Variants in CAT observed in about 807,000 individuals in gnomAD.
CAT encodes catalase.
A neutral mutation model predicts 59.0 loss-of-function variants in CAT; 43 were observed. The ratio of observed to expected loss-of-function variants is 0.73; its 90% confidence interval spans 0.57 to 0.94. CAT has a LOEUF of 0.94. Ranked by LOEUF, CAT falls within the 40% of genes least tolerant of loss-of-function variation. The pLI, the probability that CAT is intolerant of heterozygous loss-of-function variation, is 0.00. For missense variants in CAT, 664 were observed against 682.9 expected (o/e 0.97, Z 0.31); for synonymous variants, 218 against 230.9 (o/e 0.94, Z 0.51).
chr11:34,458,196 G>T (rs978493891), intron 8 of CAT, among the ~76,000 whole-genome samples: 1 of 152,250 alleles, frequency 6.6e-6, no homozygotes, highest in African/African-American at 2.4e-5. Flanking sequence ...GTAAAATGCG[G>T]CAGGAGAAGG....
rs1856742612 is a variant in CAT at position 34,468,385 on chromosome 11, A to G, written c.1424A>G (p.Gln475Arg). Residue 475 changes from glutamine (Q) to arginine (R), a missense_variant, in exon 11 of 13, where the codon CAG becomes CGG. Coordinates refer to ENST00000241052, the MANE Select transcript of CAT (RefSeq NM_001752.4). ...CTGAAGGATGCACAAATTTTCATCC[A>G]GAAGAAAGCGGTGAGTCTTTGTAAG... ...GHLKDAQIFI[Q>R]KKAVKNFTEV... 1 of 1,613,152 alleles carries G rather than the reference A, an allele frequency of 6.2e-7. No homozygotes were observed. The highest frequency in any genetic ancestry group is 1.3e-5 in the African/African-American group (1 of 74,922).
intron 1 of CAT, among the ~76,000 whole-genome samples, chr11:34,445,666 GCA>G (rs1856444774): frequency 6.6e-6 from 1 of 152,016 alleles, no homozygotes; most frequent in Admixed American, 6.6e-5. Context: ...ATGGGAGCTA[GCA>G]GCCAGGAAGA....
At chr11:34,464,080 G>T (rs1856684099) in intron 9 of CAT, 25 bp from the exon 10 acceptor site, 1 of 1,613,792 alleles carries the variant, frequency 6.2e-7, no homozygotes, top group Middle Eastern at 1.6e-4. Context: ...ATTCCTAAGT[G>T]CATCTGGGTG....
At chr11:34,452,991 T>G (rs945502266) in intron 4 of CAT, 99 bp from the exon 5 acceptor site, 3 of 776,382 alleles carry the variant, frequency 3.9e-6, no homozygotes, top group Non-Finnish European at 6.9e-6. Context: ...GTATTTAGAA[T>G]TATAATCCAT....
At chr11:34,457,437 C>T (rs1000889933) in intron 8 of CAT, among the ~76,000 whole-genome samples, 3 of 152,016 alleles carry the variant, frequency 2.0e-5, no homozygotes, top group East Asian at 1.9e-4. Context: ...AAACTCCTGA[C>T]CTCAAGTGAT....
intron 2 of CAT, among the ~76,000 whole-genome samples, chr11:34,450,492 C>T (rs1280825084): frequency 6.6e-6 from 1 of 152,186 alleles, no homozygotes; most frequent in Non-Finnish European, 1.5e-5. Context: ...AGGACTTCTG[C>T]ATTTCTTCAT....
rs769313918 is a variant in CAT, at chr11:34,468,291, C to A, written c.1330C>A (p.Arg444=). The A allele has an allele frequency of 3.1e-6, 5 of 1,612,230 alleles. No individual in the cohort carries two copies. The highest frequency in any genetic ancestry group is 4.2e-6 in the Non-Finnish European group (5 of 1,178,516). ...TANDDNVTQV[R]AFYVNVLNEE... ...ACTTGCTCTTTTCTCTGAGCAGGTG[C>A]GGGCATTCTATGTGAACGTGCTGAA... Residue 444 remains arginine (R), a synonymous_variant, in exon 11 of 13, where the codon CGG becomes AGG. Coordinates refer to ENST00000241052, the MANE Select transcript of CAT (RefSeq NM_001752.4).
At chr11:34,454,111 C>T (rs1000189640) in intron 6 of CAT, among the ~76,000 whole-genome samples, 185 bp downstream of exon 6, 2 of 152,270 alleles carry the variant, frequency 1.3e-5, no homozygotes, top group Admixed American at 6.5e-5. Flanking sequence ...GACCTTGGAG[C>T]GTATCCCAAT....
intron 9 of CAT, among the ~76,000 whole-genome samples, chr11:34,462,201 A>C (rs1167357354): frequency 6.6e-6 from 1 of 152,128 alleles, no homozygotes; most frequent in Non-Finnish European, 1.5e-5. Flanking sequence ...CACGTGTTTT[A>C]GTAATATAGA....
In CAT at chr11:34,450,970, C is replaced by T; in HGVS notation, c.239-18C>T. ...AGTAATGGTCTCATGGTAAGGATTT[C>T]TGTGTCTTTCTCGTTAGGGGCCTTT... is the stretch of plus-strand genomic sequence containing the variant. On this transcript the variant is annotated intron_variant, in intron 2 of 12. Coordinates refer to ENST00000241052, the MANE Select transcript of CAT (RefSeq NM_001752.4). 1 of 1,518,286 alleles carries T rather than the reference C, an allele frequency of 6.6e-7. No homozygotes were observed. The highest frequency in any genetic ancestry group is 1.1e-5 in the South Asian group (1 of 89,288). The allele number at this position is 1,518,286 out of a possible 1,614,324, so 94.1% of individuals were successfully genotyped here.
intron 1 of CAT, among the ~76,000 whole-genome samples, chr11:34,439,969 T>C (rs1856367954): frequency 6.6e-6 from 1 of 152,200 alleles, no homozygotes. Flanking sequence ...GGGGGAGGCA[T>C]TCCTGGCCTG....
intron 10 of CAT, 114 bp downstream of exon 10, chr11:34,464,349 T>G: frequency 3.6e-6 from 4 of 1,099,204 alleles, no homozygotes; most frequent in Non-Finnish European, 5.5e-6. Flanking sequence ...TTAAATTGAA[T>G]TCAAGGAAGA....
At chr11:34,455,973 A>G (rs760077705) in intron 6 of CAT, 38 bp from the exon 7 acceptor site, 8 of 1,580,170 alleles carry the variant, frequency 5.1e-6, no homozygotes, top group Admixed American at 5.0e-5. Context: ...AACTTTGACA[A>G]TAAGTTTCCA....
Position 34,449,365 on chromosome 11 carries a change from TA to T in CAT, c.238+4del. On this transcript the variant is annotated splice_donor_region_variant and intron_variant, in intron 2 of 12. Transcript: ENST00000241052. ...GAGTTGTGCATGCTAAAGGAGCAGG[TA>T]AGTGCTGTGTTTATTTGCTGTAAAA... 6.2e-7 allele frequency: 1 copy of T among 1,613,428 alleles called. No homozygotes were observed. The highest frequency in any genetic ancestry group is 8.5e-7 in the Non-Finnish European group (1 of 1,179,394).
intron 6 of CAT, among the ~76,000 whole-genome samples, chr11:34,454,317 A>G (rs902690094): frequency 5.9e-5 from 9 of 152,270 alleles, no homozygotes; most frequent in Non-Finnish European, 1.3e-4. Flanking sequence ...AGATCAAATC[A>G]GTTACATCTG....
At chr11:34,440,064 A>G (rs1040723889) in intron 1 of CAT, among the ~76,000 whole-genome samples, 3 of 152,294 alleles carry the variant, frequency 2.0e-5, no homozygotes, top group African/African-American at 7.2e-5. Flanking sequence ...TACTGTTGGC[A>G]GATTGGCCCA....
chr11:34,461,018 G>T (rs1290688229), intron 8 of CAT: 1 of 591,630 alleles, frequency 1.7e-6, no homozygotes, highest in East Asian at 2.9e-5. Flanking sequence ...ACCAAAAACA[G>T]ATGTGAAGAT....
chr11:34,446,805 G>A (rs185674002), intron 1 of CAT, among the ~76,000 whole-genome samples: 144 of 151,304 alleles, frequency 9.5e-4, no homozygotes, highest in African/African-American at 3.1e-3. Context: ...GCAATGGCAC[G>A]ATCTCAGCTC....
chr11:34,443,327 G>T (rs1856413448), intron 1 of CAT, among the ~76,000 whole-genome samples: 1 of 152,212 alleles, frequency 6.6e-6, no homozygotes, highest in Non-Finnish European at 1.5e-5. Flanking sequence ...GGTCAGATTT[G>T]GTTTGCTGAC....
Sources: allele counts gnomAD v4.1 joint callset (sites outside exome capture counted in the v4.1 genomes callset), GRCh38; gene constraint gnomAD v4.1.1; transcripts MANE v1.5; gene names NCBI Gene and HGNC (gene_info 2026-07-23, HGNC 2026-07-21).